The following PEX14 variants were observed in gnomAD, a reference collection of about 807,000 sequenced individuals.
PEX14 encodes the protein peroxisomal membrane protein PEX14.
In PEX14, 15 loss-of-function variants were observed where a neutral mutation model predicts 49.5. The observed-to-expected ratio is 0.30, with a 90% CI of 0.20 to 0.47. PEX14 has a LOEUF of 0.47. PEX14 is among the 20% of genes least tolerant of loss of function. PEX14 has a pLI of 1.00. For synonymous variants in PEX14, 210 were observed against 212.7 expected, an observed-to-expected ratio of 0.99 and a Z score of 0.11; for missense variants, 398 against 494.8, an observed-to-expected ratio of 0.80 and a Z score of 1.86.
intron 2 of PEX14, among the ~76,000 whole-genome samples, chr1:10,532,153 T>G (rs1035302776): frequency 2.6e-5 from 4 of 152,114 alleles, no homozygotes; most frequent in African/African-American, 9.7e-5. Context: ...TCTAAAGGTG[T>G]TTTTCAACCT....
At chr1:10,552,079 C>T (rs1557840474) in intron 3 of PEX14, among the ~76,000 whole-genome samples, 1 of 151,802 alleles carries the variant, frequency 6.6e-6, no homozygotes, top group Non-Finnish European at 1.5e-5. Context: ...GGCGACAGAA[C>T]AAGACTCTGT....
chr1:10,493,630 G>A (rs950044104), intron 1 of PEX14, among the ~76,000 whole-genome samples: 1 of 152,094 alleles, frequency 6.6e-6, no homozygotes, highest in Non-Finnish European at 1.5e-5. Flanking sequence ...GATTTGCCAT[G>A]TTGCCCAGGC....
intron 4 of PEX14, among the ~76,000 whole-genome samples, chr1:10,616,418 C>T (rs919867309): frequency 4.6e-5 from 7 of 152,330 alleles, no homozygotes; most frequent in South Asian, 4.1e-4. Context: ...GCAAGTCCTT[C>T]AGCTTCACTC....
chr1:10,501,538 T>A (rs955122153), intron 2 of PEX14, among the ~76,000 whole-genome samples: 1 of 152,066 alleles, frequency 6.6e-6, no homozygotes, highest in East Asian at 1.9e-4. Flanking sequence ...CCTGACCTCG[T>A]GATCCGCCCG....
chr1:10,586,550 C>T (rs571033599), intron 3 of PEX14, among the ~76,000 whole-genome samples: 2 of 148,220 alleles, frequency 1.3e-5, no homozygotes, highest in Admixed American at 6.8e-5. Context: ...TACAATACAA[C>T]AATTTGAATG....
chr1:10,547,940 G>T (rs114518949), intron 3 of PEX14, among the ~76,000 whole-genome samples: 40 of 152,292 alleles, frequency 2.6e-4, no homozygotes, highest in Non-Finnish European at 5.9e-5. Flanking sequence ...TGTTGGCTGG[G>T]TGCAGTGGCT....
intron 2 of PEX14, among the ~76,000 whole-genome samples, chr1:10,504,438 T>G (rs1022029232): frequency 2.6e-5 from 4 of 152,220 alleles, no homozygotes; most frequent in Non-Finnish European, 5.9e-5. Context: ...AAATTACCCC[T>G]GTCAGGAAGA....
At chr1:10,493,080 A>C (rs1434346410) in intron 1 of PEX14, among the ~76,000 whole-genome samples, 1 of 152,202 alleles carries the variant, frequency 6.6e-6, no homozygotes, top group Non-Finnish European at 1.5e-5. Context: ...AGCAAAGGCC[A>C]GTGCGTCTGT....
rs553919412 is a variant in PEX14, at chr1:10,486,883, T to G, written c.37-8391T>G. 2.7e-4 allele frequency among the ~76,000 whole-genome samples: 41 copies of G among 152,194 alleles called. 1 individual carries two copies. In the South Asian group the frequency reaches 3.3e-3, roughly 12 times the overall value. The stretch of plus-strand genomic sequence containing the variant: ...TTTGTGTTTTTAGTAGAGATGGGGT[T>G]TCACCATCTTGGCCAGGCTGGTCTT... On this transcript the variant is annotated intron_variant, in intron 1 of 8. Transcript: ENST00000356607.
intron 3 of PEX14, among the ~76,000 whole-genome samples, chr1:10,585,466 G>C (rs1640453266): frequency 6.6e-6 from 1 of 152,088 alleles, no homozygotes; most frequent in South Asian, 2.1e-4. Context: ...AAAAGCAGTT[G>C]GTCAAGATTA....
At chr1:10,522,052 A>T (rs1379819103) in intron 2 of PEX14, among the ~76,000 whole-genome samples, 1 of 152,212 alleles carries the variant, frequency 6.6e-6, no homozygotes, top group East Asian at 1.9e-4. Flanking sequence ...GTGTTCATGA[A>T]GTCGGCTCTT....
chr1:10,610,313 A>G (rs1455671419), intron 4 of PEX14, among the ~76,000 whole-genome samples: 1 of 147,168 alleles, frequency 6.8e-6, no homozygotes, highest in Admixed American at 6.8e-5. Flanking sequence ...GAGTATATTT[A>G]TTATATATTT....
intron 3 of PEX14, among the ~76,000 whole-genome samples, chr1:10,565,299 G>A (rs1489746948): frequency 2.0e-5 from 3 of 152,172 alleles, no homozygotes; most frequent in African/African-American, 7.2e-5. Flanking sequence ...TTATGCTTGT[G>A]TAAAGTGGGA....
chr1:10,526,039 G>A (rs1220185538), intron 2 of PEX14, among the ~76,000 whole-genome samples: 1 of 145,768 alleles, frequency 6.9e-6, no homozygotes, highest in Non-Finnish European at 1.5e-5. Context: ...CTCCTACCTC[G>A]ACCTCCCTAG....
At chr1:10,536,091 A>T in intron 2 of PEX14, 122 bp from the exon 3 acceptor site, 1 of 736,630 alleles carries the variant, frequency 1.4e-6, no homozygotes, top group Non-Finnish European at 2.5e-6. Flanking sequence ...ATAACTGGTT[A>T]TAAATTTGAC....
chr1:10,627,449 CA>C, intron 8 of PEX14, 86 bp downstream of exon 8: 2 of 919,862 alleles, frequency 2.2e-6, no homozygotes, highest in East Asian at 2.4e-5. Context: ...GCATGACGCC[CA>C]CCCCCACCCC....
chr1:10,561,909 A>C (rs57986045), intron 3 of PEX14, among the ~76,000 whole-genome samples: 7,150 of 151,958 alleles, frequency 0.047, 382 homozygotes, highest in African/African-American at 0.12. Flanking sequence ...TTTAGTTCAG[A>C]GTGCTATAAT....
At chr1:10,491,350 A>G (rs1641469219) in intron 1 of PEX14, among the ~76,000 whole-genome samples, 1 of 152,104 alleles carries the variant, frequency 6.6e-6, no homozygotes, top group African/African-American at 2.4e-5. Flanking sequence ...TTGCTGTTTC[A>G]AATTCCATGG....
rs572858193 is a variant in PEX14 at position 10,514,838 on chromosome 1, T to C, written c.84+19517T>C. Among the ~76,000 whole-genome samples, 13 of 152,262 alleles carry C rather than the reference T, an allele frequency of 8.5e-5. No homozygotes were observed. Among genetic ancestry groups the C allele is most frequent in the Admixed American group, 1.3e-4 (2 of 15,292 alleles). ...ATTGTGTACTGATTGCGATCTGTTC[T>C]GCTATCACCTGCAGTGCATCTAGAT... On this transcript the variant is annotated intron_variant, in intron 2 of 8. Coordinates refer to ENST00000356607, the MANE Select transcript of PEX14 (RefSeq NM_004565.3). This position sits in a 1 kb window ranked among gnomAD's most constrained non-coding sequence, Gnocchi z 4.4.
Sources: allele counts gnomAD v4.1 joint callset (sites outside exome capture counted in the v4.1 genomes callset), GRCh38; gene constraint gnomAD v4.1.1; non-coding constraint Gnocchi (gnomAD v3.1); transcripts MANE v1.5; gene names NCBI Gene and HGNC (gene_info 2026-07-23, HGNC 2026-07-21).